CNOT6L: variants seen among roughly 807,000 people sequenced by gnomAD.
CNOT6L encodes the protein CCR4-NOT transcription complex subunit 6 like.
CNOT6L carries 7 observed loss-of-function variants against 64.0 expected under a neutral mutation model. The ratio of observed to expected loss-of-function variants is 0.11; its 90% confidence interval spans 0.06 to 0.21. The LOEUF (loss-of-function observed/expected upper bound fraction) is 0.21, where lower values mean the gene tolerates loss of function less well. Among genes scored for constraint, CNOT6L ranks in the 10% least tolerant of loss-of-function variants. CNOT6L has a pLI of 1.00. For synonymous variants in CNOT6L, 193 were observed against 243.4 expected, an observed-to-expected ratio of 0.79 and a Z score of 1.93; for missense variants, 245 against 669.0, an observed-to-expected ratio of 0.37 and a Z score of 6.99.
chr4:77,815,865 GAACTGTCATGAAAGCAAGTA>G (rs1376889801), intron 1 of CNOT6L, among the ~76,000 whole-genome samples: 2 of 152,082 alleles, frequency 1.3e-5, no homozygotes, highest in South Asian at 2.1e-4. Flanking sequence ...ACCTGCACTG[GAACTGTCATGAAAGCAAGTA>G]AACTGTCATG....
At chr4:77,801,025 T>C (rs796633141) in intron 1 of CNOT6L, among the ~76,000 whole-genome samples, 9 of 152,326 alleles carry the variant, frequency 5.9e-5, no homozygotes, top group African/African-American at 2.2e-4. Flanking sequence ...TGGTGCTTTG[T>C]ATTGAGCAGA....
At position 77,742,407 on chromosome 4, in the gene CNOT6L, G is replaced by A. The variant is rs1404462015; in HGVS notation, c.718-112C>T. On this transcript the variant is annotated intron_variant, in intron 7 of 11. Coordinates refer to ENST00000504123, the MANE Select transcript of CNOT6L (RefSeq NM_144571.3). ...TAACTTAGTAAAAATAATTCACATA[G>A]CAAATATTATCTTACTATCTTACCT... 4 of 1,001,320 alleles carry A rather than the reference G, an allele frequency of 4.0e-6. No homozygotes were observed. The African/African-American group carries it at 4.9e-5, about 12-fold the overall frequency. 62.0% of individuals were successfully genotyped at this position (1,001,320 alleles called of 1,614,324 possible).
chr4:77,776,409 AGGAGGAGATC>A lies in CNOT6L; in HGVS notation c.6-27_6-18del. The A allele has an allele frequency of 6.5e-7, 1 of 1,530,682 alleles. No homozygotes were observed. Among genetic ancestry groups the A allele is most frequent in the Non-Finnish European group, 8.9e-7 (1 of 1,129,912 alleles). 94.8% of individuals were successfully genotyped at this position (1,530,682 alleles called of 1,614,324 possible). On this transcript the variant is annotated intron_variant, in intron 1 of 11. Transcript: ENST00000504123. ...CCTATTAGTCTGTTTAAAAAAAAAA[AGGAGGAGATC>A]AATAATTATTATAGTCTTACTTTAA...
intron 9 of CNOT6L, among the ~76,000 whole-genome samples, chr4:77,730,659 A>G (rs2109890931): frequency 6.6e-6 from 1 of 152,178 alleles, no homozygotes; most frequent in African/African-American, 2.4e-5. Context: ...AAATTGAAGT[A>G]TGGTGAGAAA....
intron 1 of CNOT6L, among the ~76,000 whole-genome samples, chr4:77,782,421 A>T (rs571706885): frequency 3.3e-5 from 5 of 152,138 alleles, no homozygotes; most frequent in Admixed American, 3.3e-4. Context: ...CAAGCTTGAA[A>T]TCCTAGGATG....
At position 77,726,275 on chromosome 4, in the gene CNOT6L, G is replaced by A. The variant is rs1560572699; in HGVS notation, c.1347C>T (p.Cys449=). 1.2e-6 allele frequency: 2 copies of A among 1,613,792 alleles called. No homozygotes were observed. The change falls in exon 11 of 12, where the codon TGC becomes TGT. Residue 449 remains cysteine, a synonymous_variant. Coordinates refer to ENST00000504123, the MANE Select transcript of CNOT6L (RefSeq NM_144571.3). Reference sequence around the variant, plus strand: ...CTTCTGAGCTTCCATTCTTTCCATTGCAGCTGAAGTTCATAAGACACTCAT... The same window carrying A: ...CTTCTGAGCTTCCATTCTTTCCATTACAGCTGAAGTTCATAAGACACTCAT... ...RYNECLMNFS[C]NGKNGSSEGR... is the part of the protein sequence containing the mutation.
In CNOT6L at chr4:77,808,288, C is replaced by T. The variant is rs540699350; in HGVS notation, c.5+11016G>A. Among the ~76,000 whole-genome samples, 69 of 151,780 alleles carry T rather than the reference C, an allele frequency of 4.5e-4. 1 individual carries two copies. The South Asian group carries it at 0.013, about 29-fold the overall frequency. On this transcript the variant is annotated intron_variant, in intron 1 of 11. Transcript: ENST00000504123. ...ACCAGCCTGGCCAACGTGGTGAAAC[C>T]CCATCTCCACTAAAAATACAAAAAT...
At chr4:77,731,123 C>T (rs770185167) in intron 9 of CNOT6L, among the ~76,000 whole-genome samples, 31 of 152,028 alleles carry the variant, frequency 2.0e-4, no homozygotes, top group Non-Finnish European at 3.4e-4. Context: ...TTTAAAAGAA[C>T]TGTTTGGGAT....
chr4:77,720,290 A>G lies in CNOT6L; in HGVS notation c.*141T>C, dbSNP rs1176531440. On this transcript the variant is annotated 3_prime_UTR_variant, in exon 12 of 12. Transcript: ENST00000504123. ...ATGATACCAATATGCACAAAAATGTACAAAGTCTTACAGCAAACACATAAT... is the reference window on the plus strand; with the variant it reads ...ATGATACCAATATGCACAAAAATGTGCAAAGTCTTACAGCAAACACATAAT... The G allele has an allele frequency of 1.1e-6, 1 of 869,828 alleles. No homozygotes were observed. Among genetic ancestry groups the G allele is most frequent in the Non-Finnish European group, 1.8e-6 (1 of 567,006 alleles). 53.9% of individuals were successfully genotyped at this position (869,828 alleles called of 1,614,324 possible).
At chr4:77,778,329 A>G (rs1378593150) in intron 1 of CNOT6L, among the ~76,000 whole-genome samples, 4 of 152,206 alleles carry the variant, frequency 2.6e-5, no homozygotes, top group African/African-American at 7.2e-5. Context: ...GACACACTAC[A>G]TAATTCATTA....
chr4:77,798,578 T>A lies in CNOT6L; in HGVS notation c.5+20726A>T, dbSNP rs551598796. Among the ~76,000 whole-genome samples the A allele has an allele frequency of 3.3e-5, 5 of 152,216 alleles. No homozygotes were observed. In the East Asian group the frequency reaches 9.6e-4, roughly 29 times the overall value. On this transcript the variant is annotated intron_variant, in intron 1 of 11. Transcript: ENST00000504123. Reference sequence around the variant, plus strand: ...GATTCTACTCTATACTTTGGCCTATTAGAATGGCTAAGTTTTTAAAAAACC... The same window carrying A: ...GATTCTACTCTATACTTTGGCCTATAAGAATGGCTAAGTTTTTAAAAAACC...
chr4:77,806,383 C>A (rs920796461), intron 1 of CNOT6L, among the ~76,000 whole-genome samples: 20 of 152,132 alleles, frequency 1.3e-4, no homozygotes, highest in Admixed American at 5.9e-4. Flanking sequence ...CAAGATCGTG[C>A]CACTGCACTC....
At chr4:77,792,375 G>A (rs1560428309) in intron 1 of CNOT6L, among the ~76,000 whole-genome samples, 2 of 152,060 alleles carry the variant, frequency 1.3e-5, no homozygotes, top group Non-Finnish European at 2.9e-5. Flanking sequence ...ACCAATCCCA[G>A]TGGCAGCAAC....
chr4:77,816,056 A>C (rs1199878868), intron 1 of CNOT6L, among the ~76,000 whole-genome samples: 1 of 152,236 alleles, frequency 6.6e-6, no homozygotes, highest in Non-Finnish European at 1.5e-5. Context: ...AATAACAGAT[A>C]TTTTGGAAAG....
intron 4 of CNOT6L, among the ~76,000 whole-genome samples, chr4:77,765,411 T>C (rs1333682400): frequency 6.6e-6 from 1 of 152,146 alleles, no homozygotes; most frequent in Non-Finnish European, 1.5e-5. Flanking sequence ...CTAAAATACA[T>C]TGAAATAGTA....
At chr4:77,739,529 A>G (rs558148111) in intron 8 of CNOT6L, among the ~76,000 whole-genome samples, 19 of 152,340 alleles carry the variant, frequency 1.2e-4, no homozygotes, top group African/African-American at 4.6e-4. Flanking sequence ...AAGGCAGGGT[A>G]TAATACTTTA....
intron 3 of CNOT6L, 77 bp downstream of exon 3, chr4:77,774,453 T>A: frequency 8.7e-7 from 1 of 1,155,456 alleles, no homozygotes; most frequent in Non-Finnish European, 1.2e-6. Flanking sequence ...GAAATCCTAC[T>A]GTAATAAAGT....
chr4:77,741,293 T>C (rs1201353549), intron 8 of CNOT6L, among the ~76,000 whole-genome samples: 1 of 152,186 alleles, frequency 6.6e-6, no homozygotes, highest in African/African-American at 2.4e-5. Flanking sequence ...AAATAGCATG[T>C]CATGCTGGTA....
At chr4:77,790,520 C>A (rs1730007984) in intron 1 of CNOT6L, among the ~76,000 whole-genome samples, 2 of 152,090 alleles carry the variant, frequency 1.3e-5, no homozygotes. Context: ...TATTATTTTG[C>A]ATTCTCACCA....
Sources: allele counts gnomAD v4.1 joint callset (sites outside exome capture counted in the v4.1 genomes callset), GRCh38; gene constraint gnomAD v4.1.1; transcripts MANE v1.5; gene names NCBI Gene and HGNC (gene_info 2026-07-23, HGNC 2026-07-21).